The following CNTN1 variants were observed in gnomAD, a reference collection of about 807,000 sequenced individuals.
The protein encoded by CNTN1 is contactin 1.
Under a neutral mutation model 126.4 loss-of-function variants are expected in CNTN1, and 38 were observed. That is an observed-to-expected ratio of 0.30 (90% CI 0.23 to 0.39). The LOEUF is 0.39. Ranked by LOEUF, CNTN1 falls within the 10% of genes least tolerant of loss-of-function variation. The pLI is 1.00. For missense variants in CNTN1, 1,009 were observed against 1,248.4 expected (o/e 0.81, Z 2.89); for synonymous variants, 413 against 422.6 (o/e 0.98, Z 0.28).
At chr12:40,761,481 T>G (rs1938864161) in intron 1 of CNTN1, among the ~76,000 whole-genome samples, 1 of 152,124 alleles carries the variant, frequency 6.6e-6, no homozygotes, top group South Asian at 2.1e-4. Flanking sequence ...TTCAGTCAGT[T>G]TTGATTCCTG....
intron 23 of CNTN1, among the ~76,000 whole-genome samples, chr12:41,054,058 C>T (rs1466835114): frequency 6.6e-6 from 1 of 151,662 alleles, no homozygotes; most frequent in Admixed American, 6.6e-5. Context: ...ATTCCCTTTC[C>T]TCAAAGAAAG....
chr12:40,722,286 A>G (rs1793186029), intron 1 of CNTN1, among the ~76,000 whole-genome samples: 1 of 152,204 alleles, frequency 6.6e-6, no homozygotes, highest in Admixed American at 6.5e-5. Flanking sequence ...TTTGTATCTT[A>G]TCTATTCCAC....
intron 23 of CNTN1, among the ~76,000 whole-genome samples, chr12:41,065,790 C>G (rs1034200101): frequency 6.6e-6 from 1 of 152,224 alleles, no homozygotes; most frequent in Admixed American, 6.5e-5. Flanking sequence ...TACAGCAGCT[C>G]TGTGATCTTG....
At chr12:41,035,356 A>G (rs1173392682) in intron 23 of CNTN1, among the ~76,000 whole-genome samples, 1 of 152,190 alleles carries the variant, frequency 6.6e-6, no homozygotes, top group East Asian at 1.9e-4. Context: ...ATTTTTTTCT[A>G]CGATAAAATA....
At chr12:40,713,468 A>G (rs1284475573) in intron 1 of CNTN1, among the ~76,000 whole-genome samples, 1 of 150,860 alleles carries the variant, frequency 6.6e-6, no homozygotes, top group African/African-American at 2.4e-5. Flanking sequence ...ATATATATTT[A>G]AATGCAGAAT....
chr12:41,013,832 T>C (rs1948722915), intron 17 of CNTN1, among the ~76,000 whole-genome samples: 1 of 152,222 alleles, frequency 6.6e-6, no homozygotes, highest in Non-Finnish European at 1.5e-5. Flanking sequence ...CATTATCCAA[T>C]ACAAATGCAT....
chr12:40,758,393 A>G (rs1410779102), intron 1 of CNTN1, among the ~76,000 whole-genome samples: 1 of 151,992 alleles, frequency 6.6e-6, no homozygotes, highest in Non-Finnish European at 1.5e-5. Context: ...CAGTTACTGA[A>G]CACCTACCAA....
chr12:40,700,846 T>C (rs1222544930), intron 1 of CNTN1, among the ~76,000 whole-genome samples: 1 of 152,186 alleles, frequency 6.6e-6, no homozygotes, highest in African/African-American at 2.4e-5. Flanking sequence ...TATTGAGCAC[T>C]CACTCTGTGT....
intron 16 of CNTN1, among the ~76,000 whole-genome samples, chr12:40,982,667 A>T (rs930572042): frequency 1.3e-5 from 2 of 152,142 alleles, no homozygotes; most frequent in African/African-American, 4.8e-5. Flanking sequence ...TTCTAGATGC[A>T]GTATGTATAG....
Position 41,040,665 on chromosome 12 carries a change from T to C in CNTN1, c.2980+11446T>C, listed in dbSNP as rs1023005393. ...AGTTGGATTCCTAGGTATTCTATTC[T>C]CTTTGAAGCAATTGTGAATGGGAGT... On this transcript the variant is annotated intron_variant, in intron 23 of 23. Transcript: ENST00000551295. Among the ~76,000 whole-genome samples the C allele has an allele frequency of 1.2e-4, 19 of 152,164 alleles. 1 individual carries two copies. The highest frequency in any genetic ancestry group is 2.6e-4 in the Non-Finnish European group (18 of 68,030).
chr12:40,976,841 C>T (rs1405947626), intron 15 of CNTN1, among the ~76,000 whole-genome samples: 1 of 152,112 alleles, frequency 6.6e-6, no homozygotes. Context: ...TATTTTTTGC[C>T]ACAAACTGAT....
intron 1 of CNTN1, among the ~76,000 whole-genome samples, chr12:40,901,102 C>G (rs1373181956): frequency 1.3e-5 from 2 of 152,142 alleles, no homozygotes; most frequent in Non-Finnish European, 2.9e-5. Flanking sequence ...GTATCTGATC[C>G]TGACCAAATC....
chr12:40,947,356 A>G (rs1946468695), intron 14 of CNTN1, among the ~76,000 whole-genome samples: 1 of 152,084 alleles, frequency 6.6e-6, no homozygotes, highest in Admixed American at 6.6e-5. Context: ...AAAGCAGTTT[A>G]TCTGCCATTC....
Position 40,952,116 on chromosome 12 carries a change from A to G in CNTN1, c.1684-6998A>G, listed in dbSNP as rs117378297. Among the ~76,000 whole-genome samples, 155 of 80,866 alleles carry G rather than the reference A, an allele frequency of 1.9e-3. 1 individual carries two copies. In the East Asian group the frequency reaches 0.026, roughly 14 times the overall value. 53.1% of individuals were successfully genotyped at this position (80,866 alleles called of 152,430 possible). On this transcript the variant is annotated intron_variant, in intron 14 of 23. Transcript: ENST00000551295. ...TCATATATGAAGAAGCACCACATCTACTTACCAAACACTAAATCCAGTTAT... is the reference window on the plus strand; with the variant it reads ...TCATATATGAAGAAGCACCACATCTGCTTACCAAACACTAAATCCAGTTAT...
chr12:40,953,405 A>G (rs1321542556), intron 14 of CNTN1, among the ~76,000 whole-genome samples: 2 of 152,148 alleles, frequency 1.3e-5, no homozygotes, highest in African/African-American at 4.8e-5. Context: ...TCTGCCAACC[A>G]CTGAGGACCT....
chr12:40,790,209 G>A (rs772162481), intron 1 of CNTN1, among the ~76,000 whole-genome samples: 3 of 152,034 alleles, frequency 2.0e-5, no homozygotes, highest in Admixed American at 6.6e-5. Context: ...GACCCAATTG[G>A]CCTTTGAGAT....
intron 1 of CNTN1, among the ~76,000 whole-genome samples, chr12:40,756,635 G>A (rs924152448): frequency 2.2e-4 from 33 of 152,198 alleles, no homozygotes; most frequent in African/African-American, 7.9e-4. Flanking sequence ...TTTGCACTAG[G>A]TGTTCCCCGA....
At chr12:40,704,290 G>A (rs1939868973) in intron 1 of CNTN1, among the ~76,000 whole-genome samples, 1 of 152,022 alleles carries the variant, frequency 6.6e-6, no homozygotes, top group Non-Finnish European at 1.5e-5. Context: ...ATTTGAAACA[G>A]CATATCTAGA....
chr12:40,799,203 T>A (rs1179373627), intron 1 of CNTN1, among the ~76,000 whole-genome samples: 2 of 151,018 alleles, frequency 1.3e-5, no homozygotes, highest in African/African-American at 4.9e-5. Flanking sequence ...TAAAATATAT[T>A]ACTTATAATC....
Sources: gnomAD v4.1 joint callset for allele counts (sites outside exome capture counted in the v4.1 genomes callset) on GRCh38, gnomAD v4.1.1 for gene constraint, MANE v1.5 for transcripts, NCBI Gene and HGNC (gene_info 2026-07-23, HGNC 2026-07-21) for gene names.